Variants in IMMP2L observed in about 807,000 individuals in gnomAD.
IMMP2L encodes the protein mitochondrial inner membrane protease subunit 2.
A neutral mutation model predicts 19.3 loss-of-function variants in IMMP2L; 18 were observed. The observed-to-expected ratio is 0.93, with a 90% CI of 0.64 to 1.38. The LOEUF (loss-of-function observed/expected upper bound fraction) is 1.38, where lower values mean the gene tolerates loss of function less well. IMMP2L is among the 40% of genes most tolerant of loss of function. The pLI, the probability that IMMP2L is intolerant of heterozygous loss-of-function variation, is 0.00. For missense variants in IMMP2L, 233 were observed against 218.2 expected, an observed-to-expected ratio of 1.07 and a Z score of -0.43; for synonymous variants, 76 against 73.0, an observed-to-expected ratio of 1.04 and a Z score of -0.21.
intron 3 of IMMP2L, among the ~76,000 whole-genome samples, chr7:111,289,968 TAAC>T (rs1201574160): frequency 1.3e-5 from 2 of 152,242 alleles, no homozygotes; most frequent in Admixed American, 6.5e-5. Context: ...AACACTCTCT[TAAC>T]ATCCCCACCA....
intron 3 of IMMP2L, among the ~76,000 whole-genome samples, chr7:111,371,149 C>T (rs947882914): frequency 2.0e-5 from 3 of 151,924 alleles, no homozygotes; most frequent in Non-Finnish European, 4.4e-5. Context: ...CCTCAAAATA[C>T]ATAGCAACTT....
At chr7:111,500,621 A>G (rs907486125) in intron 2 of IMMP2L, among the ~76,000 whole-genome samples, 1 of 152,132 alleles carries the variant, frequency 6.6e-6, no homozygotes, top group African/African-American at 2.4e-5. Flanking sequence ...CCAGAGGAAC[A>G]ATCAGGCAGG....
intron 5 of IMMP2L, among the ~76,000 whole-genome samples, chr7:110,878,121 G>A (rs1029681001): frequency 3.3e-5 from 5 of 151,272 alleles, no homozygotes; most frequent in South Asian, 2.1e-4. Context: ...CCCCTGTCCT[G>A]TTCTTTCTGC....
intron 3 of IMMP2L, among the ~76,000 whole-genome samples, chr7:111,217,126 T>TCTCACACACACACACACACA (rs1472700586): frequency 6.9e-4 from 86 of 124,052 alleles, no homozygotes; most frequent in African/African-American, 2.5e-3. Context: ...TCTCTCTCTC[T>TCTCACACACACACACACACA]CACACACACA....
chr7:111,004,485 C>T (rs1395486887), intron 3 of IMMP2L, among the ~76,000 whole-genome samples: 1 of 152,122 alleles, frequency 6.6e-6, no homozygotes, highest in African/African-American at 2.4e-5. Flanking sequence ...TCATAAAGCA[C>T]TTAGGTCATT....
chr7:110,952,822 A>T (rs889817115), intron 4 of IMMP2L, among the ~76,000 whole-genome samples: 1 of 152,294 alleles, frequency 6.6e-6, no homozygotes, highest in Admixed American at 6.5e-5. Context: ...CATTTTAGAT[A>T]TAGTGAGTTT....
chr7:111,235,501 TTCTC>T (rs1241235907), intron 3 of IMMP2L, among the ~76,000 whole-genome samples: 1 of 151,974 alleles, frequency 6.6e-6, no homozygotes, highest in Non-Finnish European at 1.5e-5. Context: ...CATTGATAAT[TTCTC>T]TCTTTCTATA....
chr7:110,770,731 T>C lies in IMMP2L; in HGVS notation c.409-107010A>G, dbSNP rs533968361. ...TTAAAGATGTACACAGAAAAGCAAG[T>C]GTTCAGTGAAAGAAGTCTTCCTGAA... On this transcript the variant is annotated intron_variant, in intron 5 of 5. Coordinates refer to ENST00000405709, the MANE Select transcript of IMMP2L (RefSeq NM_032549.4). 7.2e-4 allele frequency among the ~76,000 whole-genome samples: 110 copies of C among 152,266 alleles called. 1 individual carries two copies. The highest frequency in any genetic ancestry group is 2.3e-3 in the African/African-American group (96 of 41,570).
intron 3 of IMMP2L, among the ~76,000 whole-genome samples, chr7:111,307,022 T>C (rs1822954730): frequency 6.7e-6 from 1 of 149,390 alleles, no homozygotes; most frequent in Non-Finnish European, 1.5e-5. Context: ...TCTATATATA[T>C]TTTTCTATCT....
chr7:110,765,689 T>C (rs1167752486), intron 5 of IMMP2L, among the ~76,000 whole-genome samples: 2 of 152,144 alleles, frequency 1.3e-5, no homozygotes, highest in African/African-American at 4.8e-5. Context: ...CATCTAAACA[T>C]TGTGCAGTGC....
At chr7:111,025,245 T>C (rs1411847563) in intron 3 of IMMP2L, among the ~76,000 whole-genome samples, 1 of 152,180 alleles carries the variant, frequency 6.6e-6, no homozygotes, top group Non-Finnish European at 1.5e-5. Flanking sequence ...ACTTAATCTC[T>C]CTGAGATTCA....
In IMMP2L at chr7:111,556,018, G is replaced by GTGTATATATATA. The variant is rs777862357; in HGVS notation, c.-3+5832_-3+5833insTATATATATACA. 3.6e-4 allele frequency among the ~76,000 whole-genome samples: 33 copies of GTGTATATATATA among 91,320 alleles called. 1 individual carries two copies. Among genetic ancestry groups the GTGTATATATATA allele is most frequent in the Admixed American group, 8.1e-4 (6 of 7,388 alleles). 59.9% of individuals were successfully genotyped at this position (91,320 alleles called of 152,430 possible). On this transcript the variant is annotated intron_variant, in intron 1 of 5. Coordinates refer to ENST00000405709, the MANE Select transcript of IMMP2L (RefSeq NM_032549.4). The stretch of plus-strand genomic sequence containing the variant: ...TTAGCCATCCCTCTTCTGTGTGCAT[G>GTGTATATATATA]TATATATATATATATATACATACCC...
intron 3 of IMMP2L, among the ~76,000 whole-genome samples, chr7:111,045,606 A>G (rs1185599046): frequency 6.6e-6 from 1 of 152,246 alleles, no homozygotes; most frequent in African/African-American, 2.4e-5. Flanking sequence ...AACAGGAGGC[A>G]GGAGAACAGT....
At chr7:110,863,081 G>C (rs539665554) in intron 5 of IMMP2L, among the ~76,000 whole-genome samples, 9 of 152,022 alleles carry the variant, frequency 5.9e-5, no homozygotes, top group African/African-American at 2.2e-4. Flanking sequence ...TCTCTGACCT[G>C]AGTCTTAAAT....
chr7:111,077,904 C>T (rs915993555), intron 3 of IMMP2L, among the ~76,000 whole-genome samples: 7 of 152,098 alleles, frequency 4.6e-5, no homozygotes, highest in African/African-American at 7.2e-5. Context: ...TTCTTCTGCC[C>T]GTTATACTTT....
intron 4 of IMMP2L, among the ~76,000 whole-genome samples, chr7:110,934,849 G>T (rs1428328650): frequency 6.6e-6 from 1 of 152,048 alleles, no homozygotes; most frequent in East Asian, 1.9e-4. Flanking sequence ...CATTTGCTTG[G>T]TAAATATTCC....
intron 5 of IMMP2L, among the ~76,000 whole-genome samples, chr7:110,671,320 A>C (rs1047901231): frequency 6.6e-6 from 1 of 152,240 alleles, no homozygotes; most frequent in Non-Finnish European, 1.5e-5. Flanking sequence ...CCATAAAATC[A>C]AATGTTAATA....
rs191496001 is a variant in IMMP2L at position 111,087,349 on chromosome 7, T to C, written c.240-123784A>G. Reference sequence around the variant, plus strand: ...CTATAGTCCCAGCTACCAGGGAGGCTGAGGCAGGAGAATCACTTGAACCCG... The same window carrying C: ...CTATAGTCCCAGCTACCAGGGAGGCCGAGGCAGGAGAATCACTTGAACCCG... On this transcript the variant is annotated intron_variant, in intron 3 of 5. Coordinates refer to ENST00000405709, the MANE Select transcript of IMMP2L (RefSeq NM_032549.4). 5.6e-3 allele frequency among the ~76,000 whole-genome samples: 843 copies of C among 151,112 alleles called. 7 individuals are homozygous for C. The highest frequency in any genetic ancestry group is 0.019 in the African/African-American group (793 of 41,088).
At chr7:111,534,880 T>C (rs1268787563) in intron 1 of IMMP2L, among the ~76,000 whole-genome samples, 2 of 152,092 alleles carry the variant, frequency 1.3e-5, no homozygotes, top group Non-Finnish European at 1.5e-5. Context: ...GTGTTTAAAA[T>C]AGAATAAAAT....
Sources: gnomAD v4.1 joint callset for allele counts (sites outside exome capture counted in the v4.1 genomes callset) on GRCh38, gnomAD v4.1.1 for gene constraint, MANE v1.5 for transcripts, NCBI Gene and HGNC (gene_info 2026-07-23, HGNC 2026-07-21) for gene names.